Variants in TEX9 observed in about 807,000 individuals in gnomAD.
TEX9 encodes the protein testis expressed 9.
A neutral mutation model predicts 59.6 loss-of-function variants in TEX9; 74 were observed. The ratio of observed to expected loss-of-function variants is 1.24; its 90% CI spans 1.03 to 1.51. The LOEUF is 1.51. Ranked by LOEUF, TEX9 falls within the 40% of genes most tolerant of loss-of-function variation. The probability of loss-of-function intolerance (pLI) is 0.00; values close to 1 mark genes in which losing one functional copy is unlikely to be tolerated. For missense variants in TEX9, 522 were observed against 447.8 expected (o/e 1.17, Z -1.49); for synonymous variants, 186 against 152.2 (o/e 1.22, Z -1.64).
intron 1 of TEX9, among the ~76,000 whole-genome samples, chr15:56,308,968 A>T (rs780533958): frequency 1.3e-5 from 2 of 152,168 alleles, no homozygotes; most frequent in African/African-American, 4.8e-5. Flanking sequence ...TAAGTTTTGA[A>T]ATCAGAAACT....
At chr15:56,337,646 T>A (rs902130101) in intron 1 of TEX9, among the ~76,000 whole-genome samples, 1 of 152,200 alleles carries the variant, frequency 6.6e-6, no homozygotes, top group Admixed American at 6.5e-5. Flanking sequence ...CCCTCTTACC[T>A]CTGTCACACA....
chr15:56,423,110 G>C (rs1724476210), intron 10 of TEX9, among the ~76,000 whole-genome samples: 1 of 152,170 alleles, frequency 6.6e-6, no homozygotes, highest in African/African-American at 2.4e-5. Flanking sequence ...TTTGAACAAG[G>C]GTATACAGAT....
rs572624346 is a variant in TEX9 at position 56,352,705 on chromosome 15, T to A, written c.-106-20736T>A. Reference sequence around the variant, plus strand: ...TCAGTATTTTTACCAGATGATATTTTATATCAGGTTACTGGAAAGCAGCAA... The same window carrying A: ...TCAGTATTTTTACCAGATGATATTTAATATCAGGTTACTGGAAAGCAGCAA... On this transcript the variant is annotated intron_variant, in intron 1 of 5. Transcript: ENST00000560827. Among the ~76,000 whole-genome samples the A allele has an allele frequency of 9.5e-4, 145 of 152,338 alleles. No individual in the cohort carries two copies. The Middle Eastern group carries it at 0.01, about 11-fold the overall frequency.
At chr15:56,350,941 AG>A (rs1369889100) in intron 1 of TEX9, among the ~76,000 whole-genome samples, 4 of 152,210 alleles carry the variant, frequency 2.6e-5, no homozygotes, top group Non-Finnish European at 5.9e-5. Context: ...GGAGTTGGTA[AG>A]GCAATGGAGT....
chr15:56,308,929 A>T (rs1345835690), intron 1 of TEX9, among the ~76,000 whole-genome samples: 1 of 152,162 alleles, frequency 6.6e-6, no homozygotes, highest in Non-Finnish European at 1.5e-5. Flanking sequence ...TTATGCCAGT[A>T]CTGCACTATC....
intron 1 of TEX9, among the ~76,000 whole-genome samples, chr15:56,323,904 C>G (rs1317759557): frequency 6.6e-6 from 1 of 152,094 alleles, no homozygotes; most frequent in Admixed American, 6.6e-5. Flanking sequence ...AAATGTAAGG[C>G]TCTGTAAGGT....
At chr15:56,300,708 G>GGGGAGA (rs1160272154) in intron 1 of TEX9, among the ~76,000 whole-genome samples, 56 of 102,728 alleles carry the variant, frequency 5.5e-4, no homozygotes, top group Non-Finnish European at 6.3e-4. Context: ...AGAGAGAGAG[G>GGGGAGA]GAGAGAGAGA....
intron 4 of TEX9, among the ~76,000 whole-genome samples, chr15:56,387,551 A>G (rs1160729148): frequency 6.6e-6 from 1 of 152,066 alleles, no homozygotes; most frequent in African/African-American, 2.4e-5. Context: ...AGTGGGAGGC[A>G]TCTGATGGAA....
intron 12 of TEX9, chr15:56,443,362 CT>C (rs2050851287): frequency 8.4e-7 from 1 of 1,189,554 alleles, no homozygotes; most frequent in African/African-American, 1.5e-5. Context: ...TGTACTATCT[CT>C]TTTCTGCTTC....
intron 1 of TEX9, among the ~76,000 whole-genome samples, chr15:56,335,055 AGTGT>A (rs2046232515): frequency 6.6e-6 from 1 of 152,182 alleles, no homozygotes; most frequent in Non-Finnish European, 1.5e-5. Context: ...TGTTGGTGAG[AGTGT>A]GTATTAGTAC....
At chr15:56,296,156 G>A (rs1420887382) in intron 1 of TEX9, among the ~76,000 whole-genome samples, 1 of 152,114 alleles carries the variant, frequency 6.6e-6, no homozygotes, top group Non-Finnish European at 1.5e-5. Context: ...GCTTATACAA[G>A]CATCAGCTGC....
chr15:56,275,107 C>T (rs1304343005), intron 1 of TEX9, among the ~76,000 whole-genome samples: 1 of 152,116 alleles, frequency 6.6e-6, no homozygotes, highest in Non-Finnish European at 1.5e-5. Flanking sequence ...AAGGGTGGTG[C>T]TTTCTTAATC....
At chr15:56,383,858 C>T (rs1489919827) in intron 3 of TEX9, 94 bp from the exon 4 acceptor site, 4 of 877,864 alleles carry the variant, frequency 4.6e-6, no homozygotes, top group Non-Finnish European at 7.0e-6. Flanking sequence ...TTGGACAATT[C>T]TGAAATGATG....
At chr15:56,366,227 A>G (rs2046937056) in intron 2 of TEX9, among the ~76,000 whole-genome samples, 1 of 152,202 alleles carries the variant, frequency 6.6e-6, no homozygotes, top group East Asian at 1.9e-4. Flanking sequence ...CACAGCAGCC[A>G]GTGTAATCTT....
intron 1 of TEX9, among the ~76,000 whole-genome samples, chr15:56,286,384 T>C (rs1162416266): frequency 2.6e-5 from 4 of 152,054 alleles, no homozygotes; most frequent in Non-Finnish European, 5.9e-5. Flanking sequence ...ATCTGTGGGG[T>C]CCAGAGATGA....
chr15:56,252,976 C>T (rs1280518584), intron 1 of TEX9, among the ~76,000 whole-genome samples: 2 of 152,022 alleles, frequency 1.3e-5, no homozygotes, highest in East Asian at 3.8e-4. Flanking sequence ...ATTTCCCTTC[C>T]TTTTTTTCTG....
At chr15:56,325,007 G>T (rs1373786702) in intron 1 of TEX9, among the ~76,000 whole-genome samples, 1 of 152,148 alleles carries the variant, frequency 6.6e-6, no homozygotes, top group Non-Finnish European at 1.5e-5. Context: ...GTCATCAGAA[G>T]GTTCCAATAG....
chr15:56,281,569 C>T lies in TEX9; in HGVS notation c.-107+37291C>T, dbSNP rs536852649. Reference sequence around the variant, plus strand: ...TCACCCCCCGCCCCACTCTTAAGTCCGTGGAAAAATTATCTTCCATGGCAA... The same window carrying T: ...TCACCCCCCGCCCCACTCTTAAGTCTGTGGAAAAATTATCTTCCATGGCAA... On this transcript the variant is annotated intron_variant, in intron 1 of 5. Transcript: ENST00000560827. Among the ~76,000 whole-genome samples the T allele has an allele frequency of 7.2e-5, 11 of 152,144 alleles. No individual in the cohort carries two copies. In the South Asian group the frequency reaches 8.3e-4, roughly 11 times the overall value.
At chr15:56,368,546 C>CTTTTATTCAAGGGGATTCTT (rs1290944760) in intron 2 of TEX9, among the ~76,000 whole-genome samples, 2 of 151,928 alleles carry the variant, frequency 1.3e-5, no homozygotes, top group Non-Finnish European at 2.9e-5. Flanking sequence ...GTCTAGTGTT[C>CTTTTATTCAAGGGGATTCTT]TTTTATTCAA....
Sources: allele counts gnomAD v4.1 joint callset (sites outside exome capture counted in the v4.1 genomes callset), GRCh38; gene constraint gnomAD v4.1.1; transcripts MANE v1.5; gene names NCBI Gene and HGNC (gene_info 2026-07-23, HGNC 2026-07-21).